Variants in PRKG1 observed in about 807,000 individuals in gnomAD.
PRKG1 encodes protein kinase cGMP-dependent 1, also known as cGMP-dependent protein kinase 1.
In PRKG1, 35 loss-of-function variants were observed where a neutral mutation model predicts 88.1. The ratio of observed to expected loss-of-function variants is 0.40; its 90% CI spans 0.30 to 0.53. PRKG1 has a LOEUF of 0.53. PRKG1 is among the 20% of genes least tolerant of loss of function. The pLI, the probability that PRKG1 is intolerant of heterozygous loss-of-function variation, is 0.59. For missense variants in PRKG1, 540 were observed against 839.8 expected (o/e 0.64, Z 4.41); for synonymous variants, 303 against 292.5 (o/e 1.04, Z -0.37).
At chr10:51,759,847 A>G (rs141143616) in intron 3 of PRKG1, among the ~76,000 whole-genome samples, 27 of 152,206 alleles carry the variant, frequency 1.8e-4, no homozygotes, top group African/African-American at 6.0e-4. Context: ...AGCTTTTGTC[A>G]CTGAATATAT....
chr10:51,761,756 T>G (rs1276415546), intron 3 of PRKG1, among the ~76,000 whole-genome samples: 2 of 152,202 alleles, frequency 1.3e-5, no homozygotes, highest in Non-Finnish European at 2.9e-5. Flanking sequence ...GCATGGGAAC[T>G]ATTTTGTTTT....
chr10:51,553,586 A>T (rs1837195658), intron 3 of PRKG1, among the ~76,000 whole-genome samples: 1 of 151,490 alleles, frequency 6.6e-6, no homozygotes, highest in Non-Finnish European at 1.5e-5. Context: ...AAGGCAGCCA[A>T]AGTGATCTTT....
chr10:51,150,131 C>A (rs189972506), intron 1 of PRKG1, among the ~76,000 whole-genome samples: 1 of 152,066 alleles, frequency 6.6e-6, no homozygotes, highest in Admixed American at 6.6e-5. Flanking sequence ...CTTATACCTC[C>A]CAAGTCAGGC....
intron 3 of PRKG1, among the ~76,000 whole-genome samples, chr10:51,790,246 GTTCT>G (rs1316318933): frequency 2.0e-5 from 3 of 152,046 alleles, no homozygotes; most frequent in Admixed American, 6.6e-5. Context: ...CTAAACTTTT[GTTCT>G]TTCTTTTTTG....
At chr10:51,635,034 C>G (rs1839620900) in intron 3 of PRKG1, among the ~76,000 whole-genome samples, 1 of 151,840 alleles carries the variant, frequency 6.6e-6, no homozygotes, top group South Asian at 2.1e-4. Flanking sequence ...ACACCAAACC[C>G]CCATGACATG....
intron 2 of PRKG1, among the ~76,000 whole-genome samples, chr10:51,208,867 A>T (rs1157454273): frequency 6.6e-6 from 1 of 152,172 alleles, no homozygotes; most frequent in Admixed American, 6.5e-5. Flanking sequence ...CATGTAGAAA[A>T]TTAGGAAGGG....
chr10:51,678,539 G>A (rs1450198801), intron 3 of PRKG1, among the ~76,000 whole-genome samples: 1 of 152,102 alleles, frequency 6.6e-6, no homozygotes, highest in African/African-American at 2.4e-5. Context: ...AGTCAGCATC[G>A]GAATGATTCT....
chr10:51,226,361 T>C (rs563732647), intron 2 of PRKG1, among the ~76,000 whole-genome samples: 2 of 152,354 alleles, frequency 1.3e-5, no homozygotes, highest in South Asian at 2.1e-4. Context: ...TGTTGTTGTT[T>C]GCATGAGTTA....
rs566202642 is a variant in PRKG1, at chr10:52,245,642, T to C, written c.1077-5928T>C. ...TTATTTTCGTAGTTTTCCCCAAGAA[T>C]TGATCGATCTAAACTCAAGAGGAAA... On this transcript the variant is annotated intron_variant, in intron 9 of 17. Coordinates refer to ENST00000373980, the MANE Select transcript of PRKG1 (RefSeq NM_006258.4). Among the ~76,000 whole-genome samples the C allele has an allele frequency of 1.1e-4, 17 of 152,206 alleles. No individual in the cohort carries two copies. The South Asian group carries it at 3.5e-3, about 32-fold the overall frequency.
chr10:51,353,719 A>G (rs1842303087), intron 2 of PRKG1, among the ~76,000 whole-genome samples: 1 of 152,168 alleles, frequency 6.6e-6, no homozygotes, highest in Non-Finnish European at 1.5e-5. Context: ...TAATGCAACC[A>G]CTATGGAGAA....
chr10:51,815,217 C>G (rs573033457), intron 4 of PRKG1, among the ~76,000 whole-genome samples: 6 of 152,128 alleles, frequency 3.9e-5, no homozygotes, highest in Non-Finnish European at 8.8e-5. Context: ...AGCTTTGAAC[C>G]TTATAAATCT....
intron 2 of PRKG1, among the ~76,000 whole-genome samples, chr10:51,434,290 T>G (rs1016757749): frequency 1.3e-5 from 2 of 152,100 alleles, no homozygotes; most frequent in Admixed American, 1.3e-4. Context: ...TCAGTTACTG[T>G]ATCTGCCAGT....
At position 51,473,384 on chromosome 10, in the gene PRKG1, C is replaced by T. The variant is rs556757305; in HGVS notation, c.592+5548C>T. ...TATTATTGAACTATATTTTTTTCTA[C>T]AGGTTGAGAAGATTTTTTTCCTTAG... On this transcript the variant is annotated intron_variant, in intron 3 of 17. Transcript: ENST00000373980. Among the ~76,000 whole-genome samples the T allele has an allele frequency of 6.6e-5, 10 of 151,790 alleles. No individual in the cohort carries two copies. In the East Asian group the frequency reaches 1.9e-3, roughly 29 times the overall value.
intron 3 of PRKG1, among the ~76,000 whole-genome samples, chr10:51,654,464 C>G (rs1273547593): frequency 2.0e-5 from 3 of 152,028 alleles, no homozygotes; most frequent in African/African-American, 7.2e-5. Context: ...AGTGTGATAC[C>G]TTCAGCTTAG....
chr10:51,454,300 C>A (rs1037532320), intron 2 of PRKG1, among the ~76,000 whole-genome samples: 1 of 151,896 alleles, frequency 6.6e-6, no homozygotes, highest in East Asian at 1.9e-4. Context: ...CAAGGCTAAG[C>A]AAAATCGCAA....
chr10:51,709,964 T>G (rs1322117271), intron 3 of PRKG1, among the ~76,000 whole-genome samples: 6 of 152,238 alleles, frequency 3.9e-5, no homozygotes, highest in Non-Finnish European at 8.8e-5. Flanking sequence ...GGATACTCAT[T>G]ATTCAACTAA....
intron 5 of PRKG1, among the ~76,000 whole-genome samples, chr10:51,938,612 C>A (rs1356796217): frequency 6.6e-6 from 1 of 151,858 alleles, no homozygotes; most frequent in Non-Finnish European, 1.5e-5. Flanking sequence ...ATTTTTATCC[C>A]TTTTCCTTCT....
chr10:51,943,286 T>G lies in PRKG1; in HGVS notation c.762+35716T>G, dbSNP rs374257470. On this transcript the variant is annotated intron_variant, in intron 5 of 17. Coordinates refer to ENST00000373980, the MANE Select transcript of PRKG1 (RefSeq NM_006258.4). ...TATTGGTGTATAAGAATGCTTGTGA[T>G]TTTTGTACATTGATTTTGTATCCTG... is the stretch of plus-strand genomic sequence containing the variant. 1.6e-3 allele frequency among the ~76,000 whole-genome samples: 244 copies of G among 152,022 alleles called. 2 individuals carry two copies. Among genetic ancestry groups the G allele is most frequent in the African/African-American group, 5.4e-3 (222 of 41,354 alleles).
At chr10:52,275,032 GT>G (rs1324386038) in intron 12 of PRKG1, among the ~76,000 whole-genome samples, 1 of 151,928 alleles carries the variant, frequency 6.6e-6, no homozygotes, top group Non-Finnish European at 1.5e-5. Context: ...TGGATTATTT[GT>G]TTTTTTCTTA....
Sources: allele counts gnomAD v4.1 joint callset (sites outside exome capture counted in the v4.1 genomes callset), GRCh38; gene constraint gnomAD v4.1.1; transcripts MANE v1.5; gene names NCBI Gene and HGNC (gene_info 2026-07-23, HGNC 2026-07-21).